The following HS3ST5 variants were observed in gnomAD, a reference collection of about 807,000 sequenced individuals.
HS3ST5 encodes heparan sulfate-glucosamine 3-sulfotransferase 5.
HS3ST5 carries 10 observed loss-of-function variants against 25.4 expected under a neutral mutation model. The ratio of observed to expected loss-of-function variants is 0.39; its 90% CI spans 0.24 to 0.67. The LOEUF is 0.67. HS3ST5 is among the 30% of genes least tolerant of loss of function. The probability of loss-of-function intolerance (pLI) is 0.44; values close to 1 mark genes in which losing one functional copy is unlikely to be tolerated. For synonymous variants in HS3ST5, 170 were observed against 162.4 expected, an observed-to-expected ratio of 1.05 and a Z score of -0.36; for missense variants, 324 against 420.7, an observed-to-expected ratio of 0.77 and a Z score of 2.01.
At chr6:114,220,508 A>G (rs1334744375) in intron 2 of HS3ST5, among the ~76,000 whole-genome samples, 1 of 151,998 alleles carries the variant, frequency 6.6e-6, no homozygotes, top group East Asian at 1.9e-4. Flanking sequence ...CAGGGCACAG[A>G]CGTTACTTAA....
At chr6:114,156,524 A>C (rs1479301366) in intron 3 of HS3ST5, among the ~76,000 whole-genome samples, 1 of 152,214 alleles carries the variant, frequency 6.6e-6, no homozygotes, top group African/African-American at 2.4e-5. Context: ...TGTGCTATTG[A>C]AGAATCACAT....
intron 3 of HS3ST5, 124 bp from the exon 4 acceptor site, chr6:114,063,001 TCA>T: frequency 1.7e-6 from 1 of 576,308 alleles, no homozygotes; most frequent in Non-Finnish European, 3.1e-6. Flanking sequence ...ATACCAACTC[TCA>T]CAAGTGTCAT....
intron 3 of HS3ST5, among the ~76,000 whole-genome samples, chr6:114,117,651 C>CA (rs962499411): frequency 6.6e-6 from 1 of 151,908 alleles, no homozygotes; most frequent in South Asian, 2.1e-4. Context: ...CTATACCAGG[C>CA]AAAAAAGACC....
intron 2 of HS3ST5, among the ~76,000 whole-genome samples, chr6:114,206,274 G>A (rs1023145609): frequency 3.3e-5 from 5 of 152,078 alleles, no homozygotes; most frequent in Non-Finnish European, 7.4e-5. Flanking sequence ...CTCCTTGAGG[G>A]CAGTTTTTGT....
At chr6:114,153,561 A>T (rs1032232177) in intron 3 of HS3ST5, among the ~76,000 whole-genome samples, 1 of 152,166 alleles carries the variant, frequency 6.6e-6, no homozygotes, top group African/African-American at 2.4e-5. Context: ...TGGAGAGATG[A>T]AATTTCTGTC....
intron 2 of HS3ST5, among the ~76,000 whole-genome samples, chr6:114,196,926 G>A (rs2114340525): frequency 6.6e-6 from 1 of 152,176 alleles, no homozygotes. Flanking sequence ...AGGAAAGAAT[G>A]CTATTGAAGG....
chr6:114,098,551 A>AAATAT lies in HS3ST5; in HGVS notation c.-32-35675_-32-35674insATATT, dbSNP rs1775562560. 2.7e-5 allele frequency among the ~76,000 whole-genome samples: 4 copies of AAATAT among 148,360 alleles called. No homozygotes were observed. The Admixed American group carries it at 2.7e-4, about 10-fold the overall frequency. On this transcript the variant is annotated intron_variant, in intron 3 of 4. Transcript: ENST00000312719. ...CTATCAAATATATATTTTAATATATAATATTAAATTATATATTTGAAAATG... is the reference window on the plus strand; with the variant it reads ...CTATCAAATATATATTTTAATATATAAATATATATTAAATTATATATTTGAAAATG...
At chr6:114,203,596 T>C (rs1357249904) in intron 2 of HS3ST5, among the ~76,000 whole-genome samples, 1 of 152,172 alleles carries the variant, frequency 6.6e-6, no homozygotes, top group Non-Finnish European at 1.5e-5. Flanking sequence ...ACAGCCCAAA[T>C]GCACAGCAAG....
chr6:114,332,531 G>A (rs186371149), intron 1 of HS3ST5, among the ~76,000 whole-genome samples: 2 of 152,240 alleles, frequency 1.3e-5, no homozygotes, highest in South Asian at 2.1e-4. Context: ...CAGACACAGG[G>A]AGAGTTAAGA....
intron 3 of HS3ST5, among the ~76,000 whole-genome samples, chr6:114,138,393 G>A (rs1777741223): frequency 6.6e-6 from 1 of 152,196 alleles, no homozygotes; most frequent in Non-Finnish European, 1.5e-5. Context: ...GGGTTAGTAA[G>A]ATTTTTCCTG....
At chr6:114,115,887 G>A (rs1372387164) in intron 3 of HS3ST5, among the ~76,000 whole-genome samples, 1 of 152,002 alleles carries the variant, frequency 6.6e-6, no homozygotes, top group African/African-American at 2.4e-5. Flanking sequence ...TACAGAGAAG[G>A]TTAGTGAGGT....
intron 2 of HS3ST5, among the ~76,000 whole-genome samples, chr6:114,190,298 G>A (rs1420974651): frequency 6.6e-6 from 1 of 152,124 alleles, no homozygotes; most frequent in African/African-American, 2.4e-5. Context: ...CATTTCCTGA[G>A]CTTTCTGGAA....
At chr6:114,221,747 A>C (rs1436262038) in intron 2 of HS3ST5, among the ~76,000 whole-genome samples, 1 of 151,776 alleles carries the variant, frequency 6.6e-6, no homozygotes, top group Non-Finnish European at 1.5e-5. Context: ...ATCCGGGTAG[A>C]TTCTAAAAGT....
At chr6:114,298,091 A>AT (rs1190199256) in intron 1 of HS3ST5, among the ~76,000 whole-genome samples, 1 of 152,232 alleles carries the variant, frequency 6.6e-6, no homozygotes, top group Non-Finnish European at 1.5e-5. Flanking sequence ...TTAATGTGCT[A>AT]TTTTAATGTT....
chr6:114,298,370 C>A (rs538330950), intron 1 of HS3ST5, among the ~76,000 whole-genome samples: 1 of 152,174 alleles, frequency 6.6e-6, no homozygotes, highest in Admixed American at 6.5e-5. Context: ...TTCTGTAACA[C>A]AAAACAATAA....
intron 3 of HS3ST5, among the ~76,000 whole-genome samples, chr6:114,141,855 AGTTTGTGTGT>A (rs1410156850): frequency 9.4e-6 from 1 of 106,518 alleles, no homozygotes; most frequent in Non-Finnish European, 1.9e-5. Context: ...CTAAGATGAT[AGTTTGTGTGT>A]GTGTGTGTGT....
intron 4 of HS3ST5, among the ~76,000 whole-genome samples, chr6:114,062,268 A>G (rs956373152): frequency 6.6e-6 from 1 of 152,174 alleles, no homozygotes; most frequent in African/African-American, 2.4e-5. Context: ...CCACGCCTGC[A>G]GCCATCTTTC....
At chr6:114,137,836 G>A (rs140629189) in intron 3 of HS3ST5, among the ~76,000 whole-genome samples, 1 of 152,226 alleles carries the variant, frequency 6.6e-6, no homozygotes, top group African/African-American at 2.4e-5. Context: ...GCTGTGCCTT[G>A]TTGGTGGCAC....
intron 3 of HS3ST5, among the ~76,000 whole-genome samples, chr6:114,112,100 T>C (rs1776296440): frequency 6.6e-6 from 1 of 152,152 alleles, no homozygotes; most frequent in Admixed American, 6.6e-5. Context: ...ACCTCAACCA[T>C]GGTGAGCTGG....
Sources: gnomAD v4.1 joint callset for allele counts (sites outside exome capture counted in the v4.1 genomes callset) on GRCh38, gnomAD v4.1.1 for gene constraint, MANE v1.5 for transcripts, NCBI Gene and HGNC (gene_info 2026-07-23, HGNC 2026-07-21) for gene names.